Variants in USP12 observed in about 807,000 individuals in gnomAD.
The protein encoded by USP12 is ubiquitin specific peptidase 12.
In USP12, 19 loss-of-function variants were observed where a neutral mutation model predicts 45.5. The ratio of observed to expected loss-of-function variants is 0.42; its 90% CI spans 0.29 to 0.61. The LOEUF is 0.61. Ranked by LOEUF, USP12 falls within the 20% of genes least tolerant of loss-of-function variation. The pLI is 0.22. For synonymous variants in USP12, 149 were observed against 148.8 expected, an observed-to-expected ratio of 1.00 and a Z score of -0.01; for missense variants, 242 against 447.7, an observed-to-expected ratio of 0.54 and a Z score of 4.15.
chr13:27,165,788 A>G (rs1878322339), intron 1 of USP12, among the ~76,000 whole-genome samples: 1 of 152,198 alleles, frequency 6.6e-6, no homozygotes, highest in African/African-American at 2.4e-5. Flanking sequence ...TTAAAGAAAG[A>G]AAAATGTATT....
chr13:27,091,391 T>C (rs17085180), intron 4 of USP12, among the ~76,000 whole-genome samples: 1,526 of 152,304 alleles, frequency 0.01, 30 homozygotes, highest in African/African-American at 0.034. Flanking sequence ...TTTGAAATGT[T>C]CCTTTTATGA....
intron 1 of USP12, among the ~76,000 whole-genome samples, chr13:27,164,798 A>G (rs73159793): frequency 0.035 from 5,306 of 152,234 alleles, 115 homozygotes; most frequent in Non-Finnish European, 0.052. Flanking sequence ...TATGGTGTAG[A>G]TATGTAAATA....
At chr13:27,072,902 A>G (rs560183922) in intron 7 of USP12, among the ~76,000 whole-genome samples, 5 of 152,338 alleles carry the variant, frequency 3.3e-5, no homozygotes, top group Non-Finnish European at 7.3e-5. Flanking sequence ...AAATCTACAA[A>G]TAAGTCTGAT....
chr13:27,068,583 T>TA lies in USP12; in HGVS notation c.*699dup, dbSNP rs1487649647. 9 of 152,198 alleles carry TA rather than the reference T, an allele frequency of 5.9e-5. No individual in the cohort carries two copies. Among genetic ancestry groups the TA allele is most frequent in the Non-Finnish European group, 1.2e-4 (8 of 68,040 alleles). The allele number at this position is 152,198 out of a possible 1,614,324, so 9.4% of individuals were successfully genotyped here. ...AATCATGGGCACTTCATATAATACT[T>TA]AGACTCTACCAGTTTTAAGTAAAAT... is the stretch of plus-strand genomic sequence containing the variant. On this transcript the variant is annotated 3_prime_UTR_variant, in exon 9 of 9. Transcript: ENST00000282344.
intron 6 of USP12, among the ~76,000 whole-genome samples, chr13:27,088,646 TA>T (rs562952515): frequency 6.6e-6 from 1 of 152,220 alleles, no homozygotes; most frequent in East Asian, 1.9e-4. Flanking sequence ...TAGCCCCAAA[TA>T]AAAACTCAGG....
At chr13:27,078,322 A>G (rs1873586916) in intron 6 of USP12, among the ~76,000 whole-genome samples, 1 of 152,210 alleles carries the variant, frequency 6.6e-6, no homozygotes, top group African/African-American at 2.4e-5. Flanking sequence ...AGTACATAGG[A>G]GGATGTGCAT....
At position 27,119,744 on chromosome 13, in the gene USP12, C is replaced by A. The variant is rs1202920036; in HGVS notation, c.49-3148G>T. Among the ~76,000 whole-genome samples, 4 of 152,210 alleles carry A rather than the reference C, an allele frequency of 2.6e-5. No individual in the cohort carries two copies. The East Asian group carries it at 5.8e-4, about 22-fold the overall frequency. On this transcript the variant is annotated intron_variant, in intron 1 of 8. Coordinates refer to ENST00000282344, the MANE Select transcript of USP12 (RefSeq NM_182488.4). ...ATATGCCAAGCCCACAATTCAACAG[C>A]TTGAAGAATGATGGCTAGGACAGAC...
At chr13:27,110,699 C>A (rs1452722869) in intron 2 of USP12, among the ~76,000 whole-genome samples, 1 of 152,142 alleles carries the variant, frequency 6.6e-6, no homozygotes, top group East Asian at 1.9e-4. Context: ...ATGAACCCTA[C>A]CCAGGGGTTA....
intron 1 of USP12, among the ~76,000 whole-genome samples, chr13:27,141,281 T>C (rs1593204554): frequency 6.6e-6 from 1 of 152,178 alleles, no homozygotes; most frequent in Admixed American, 6.5e-5. Flanking sequence ...TCCCAAAGTG[T>C]TGGGATTACA....
intron 1 of USP12, among the ~76,000 whole-genome samples, chr13:27,146,684 AC>A (rs1877323317): frequency 6.6e-6 from 1 of 152,124 alleles, no homozygotes; most frequent in Non-Finnish European, 1.5e-5. Context: ...CTAATTTCCT[AC>A]CTTGTTTCAG....
At chr13:27,124,835 T>C (rs556382456) in intron 1 of USP12, among the ~76,000 whole-genome samples, 1 of 152,364 alleles carries the variant, frequency 6.6e-6, no homozygotes, top group South Asian at 2.1e-4. Flanking sequence ...TTAACCCTCA[T>C]ACCTGTTCTA....
intron 2 of USP12, among the ~76,000 whole-genome samples, chr13:27,107,136 T>C (rs1875180716): frequency 6.6e-6 from 1 of 151,984 alleles, no homozygotes; most frequent in African/African-American, 2.4e-5. Context: ...ACCAACTTGA[T>C]CAACATGGTG....
intron 1 of USP12, among the ~76,000 whole-genome samples, chr13:27,132,428 CAAAAA>C (rs138628703): frequency 1.3e-5 from 2 of 148,306 alleles, no homozygotes; most frequent in African/African-American, 2.5e-5. Flanking sequence ...TACAGGAAGG[CAAAAA>C]AAAAGAAAAG....
rs921488508 is a variant in USP12, at chr13:27,171,782, T to TGCCGTCGTCGCCGCC, written c.-158_-144dup. The TGCCGTCGTCGCCGCC allele has an allele frequency of 6.5e-6, 2 of 308,942 alleles. No homozygotes were observed. The highest frequency in any genetic ancestry group is 9.5e-6 in the Non-Finnish European group (2 of 210,384). The allele number at this position is 308,942 out of a possible 1,614,324, so 19.1% of individuals were successfully genotyped here. On this transcript the variant is annotated 5_prime_UTR_variant, in exon 1 of 9. Transcript: ENST00000282344. ...ACCACCGAGCCCGCTGGGCCGCCGC[T>TGCCGTCGTCGCCGCC]GCCGTCGTCGCCGCCGGCGCTCAGG... is the stretch of plus-strand genomic sequence containing the variant.
chr13:27,163,897 G>A, intron 1 of USP12, among the ~76,000 whole-genome samples: 1 of 151,982 alleles, frequency 6.6e-6, no homozygotes, highest in East Asian at 1.9e-4. Flanking sequence ...CTTCCCAGGG[G>A]TCAAGAGGAC....
At chr13:27,170,075 T>C (rs1878519009) in intron 1 of USP12, 3 of 372,374 alleles carry the variant, frequency 8.1e-6, no homozygotes, top group South Asian at 1.5e-4. Context: ...TATCTAAAAA[T>C]AATTAGCCCA....
intron 1 of USP12, among the ~76,000 whole-genome samples, chr13:27,144,118 C>G (rs553332980): frequency 6.6e-6 from 1 of 152,098 alleles, no homozygotes; most frequent in African/African-American, 2.4e-5. Flanking sequence ...GTGGGAGGAT[C>G]ACTTCAGCCT....
intron 7 of USP12, among the ~76,000 whole-genome samples, chr13:27,074,380 A>C (rs898515786): frequency 2.0e-5 from 3 of 152,106 alleles, no homozygotes; most frequent in African/African-American, 7.2e-5. Flanking sequence ...AGCCTGGGCC[A>C]CAGAGCAAGA....
rs1206471378 is a variant in USP12, at chr13:27,067,557, G to T, written c.*1726C>A. Reference sequence around the variant, plus strand: ...ATTATAATTTTCTCCCAGAACATCTGTTTAAGCAGCCCAATTAAGTGACTC... The same window carrying T: ...ATTATAATTTTCTCCCAGAACATCTTTTTAAGCAGCCCAATTAAGTGACTC... On this transcript the variant is annotated 3_prime_UTR_variant, in exon 9 of 9. Coordinates refer to ENST00000282344, the MANE Select transcript of USP12 (RefSeq NM_182488.4). 6.6e-6 allele frequency: 1 copy of T among 152,102 alleles called. No individual in the cohort carries two copies. The highest frequency in any genetic ancestry group is 1.5e-5 in the Non-Finnish European group (1 of 68,008). The allele number at this position is 152,102 out of a possible 1,614,324, so 9.4% of individuals were successfully genotyped here.
Sources: allele counts gnomAD v4.1 joint callset (sites outside exome capture counted in the v4.1 genomes callset), GRCh38; gene constraint gnomAD v4.1.1; transcripts MANE v1.5; gene names NCBI Gene and HGNC (gene_info 2026-07-23, HGNC 2026-07-21).